MGAT5B: variants seen among roughly 807,000 people sequenced by gnomAD.
MGAT5B encodes the protein N-acetylglucosaminyl-transferase Vb.
MGAT5B carries 54 observed loss-of-function variants against 95.1 expected under a neutral mutation model. The observed-to-expected ratio is 0.57, with a 90% confidence interval of 0.46 to 0.71. MGAT5B has a LOEUF of 0.71. MGAT5B is among the 30% of genes least tolerant of loss of function. The pLI, the probability that MGAT5B is intolerant of heterozygous loss-of-function variation, is 0.00. For missense variants in MGAT5B, 935 were observed against 1,088.6 expected, an observed-to-expected ratio of 0.86 and a Z score of 1.99; for synonymous variants, 464 against 451.0, an observed-to-expected ratio of 1.03 and a Z score of -0.36.
Position 76,938,160 on chromosome 17 carries a change from C to T in MGAT5B, c.1584+17C>T, listed in dbSNP as rs750647937. ...AAGGCCAAAGTGAGCTCCCATCCCC[C>T]GCACCATTCTCACACTTGCCGGCTG... On this transcript the variant is annotated intron_variant, in intron 13 of 17. Transcript: ENST00000569840. This position sits in a 1 kb window ranked among gnomAD's most constrained non-coding sequence, Gnocchi z 4.3. The T allele has an allele frequency of 2.2e-5, 36 of 1,612,116 alleles. No individual in the cohort carries two copies. Among genetic ancestry groups the T allele is most frequent in the East Asian group, 2.0e-4 (9 of 44,854 alleles).
Position 76,905,461 on chromosome 17 carries a change from G to A in MGAT5B, c.855+128G>A. 6 of 872,534 alleles carry A rather than the reference G, an allele frequency of 6.9e-6. No individual in the cohort carries two copies. Among genetic ancestry groups the A allele is most frequent in the Non-Finnish European group, 1.0e-5 (6 of 596,278 alleles). The allele number at this position is 872,534 out of a possible 1,614,324, so 54.0% of individuals were successfully genotyped here. A position where few individuals can be genotyped will look rare whatever the true frequency, so the allele number is the denominator to read the frequency against. On this transcript the variant is annotated intron_variant, in intron 7 of 17. Transcript: ENST00000569840. This position sits in a 1 kb window ranked among gnomAD's most constrained non-coding sequence, Gnocchi z 4.2. The stretch of plus-strand genomic sequence containing the variant: ...CTGAATTTGATCAGAGGGAGAGAGG[G>A]GTAGGGATGGCAGAGTCGGGATAGA...
intron 12 of MGAT5B, among the ~76,000 whole-genome samples, chr17:76,935,701 T>G (rs1039691693): frequency 6.8e-6 from 1 of 147,910 alleles, no homozygotes; most frequent in Non-Finnish European, 1.5e-5. Context: ...TTGTTAGAGT[T>G]CTTTATATAT....
rs561074285 is a variant in MGAT5B, at chr17:76,916,040, G to A, written c.1026-8926G>A. Among the ~76,000 whole-genome samples the A allele has an allele frequency of 4.0e-3, 613 of 152,334 alleles. 1 individual carries two copies. The highest frequency in any genetic ancestry group is 7.3e-3 in the South Asian group (35 of 4,824). On this transcript the variant is annotated intron_variant, in intron 8 of 17. Coordinates refer to ENST00000569840, the MANE Select transcript of MGAT5B (RefSeq NM_001199172.2). This position sits in a 1 kb window ranked among gnomAD's most constrained non-coding sequence, Gnocchi z 5.3. Reference sequence around the variant, plus strand: ...GGCATGCCGAGTGTGGCGGGGTCACGTTGAGTGCCGCCAAATGTCGTGGGC... The same window carrying A: ...GGCATGCCGAGTGTGGCGGGGTCACATTGAGTGCCGCCAAATGTCGTGGGC...
In MGAT5B at chr17:76,905,649, T is replaced by G. The variant is rs558116041; in HGVS notation, c.855+316T>G. On this transcript the variant is annotated intron_variant, in intron 7 of 17. Coordinates refer to ENST00000569840, the MANE Select transcript of MGAT5B (RefSeq NM_001199172.2). This position sits in a 1 kb window ranked among gnomAD's most constrained non-coding sequence, Gnocchi z 4.2. ...CTGGGGAGCTTCGTTAGCTCATGCC[T>G]CCATTCTTCCTTCCCTCCTTCCTTC... Among the ~76,000 whole-genome samples, 7 of 152,292 alleles carry G rather than the reference T, an allele frequency of 4.6e-5. No homozygotes were observed. The highest frequency in any genetic ancestry group is 8.8e-5 in the Non-Finnish European group (6 of 68,028).
intron 8 of MGAT5B, among the ~76,000 whole-genome samples, chr17:76,920,667 C>T (rs1969097865): frequency 6.6e-6 from 1 of 152,074 alleles, no homozygotes; most frequent in African/African-American, 2.4e-5. Context: ...TGGGCTTCTC[C>T]TTAACTCCTC....
intron 11 of MGAT5B, 68 bp downstream of exon 11, chr17:76,932,843 TCTC>T: frequency 1.9e-6 from 3 of 1,576,126 alleles, no homozygotes; most frequent in Non-Finnish European, 2.6e-6. Flanking sequence ...GGGTCCCGCA[TCTC>T]CTCCTTCCAG....
At chr17:76,931,524 C>T (rs1178129757) in intron 10 of MGAT5B, among the ~76,000 whole-genome samples, 1 of 152,164 alleles carries the variant, frequency 6.6e-6, no homozygotes, top group Non-Finnish European at 1.5e-5. Context: ...CTCACAGGCC[C>T]ATGAGCACAG....
rs868741276 is a variant in MGAT5B, at chr17:76,906,693, G to A, written c.1025+506G>A. Among the ~76,000 whole-genome samples the A allele has an allele frequency of 6.6e-6, 1 of 152,112 alleles. No homozygotes were observed. Among genetic ancestry groups the A allele is most frequent in the Admixed American group, 6.5e-5 (1 of 15,280 alleles). ...CCTTGGATGCTGTGGGAGGTGGAAG[G>A]GCAGTGATTAGAGGCTCCCCTGAGT... On this transcript the variant is annotated intron_variant, in intron 8 of 17. Coordinates refer to ENST00000569840, the MANE Select transcript of MGAT5B (RefSeq NM_001199172.2). This position sits in a 1 kb window ranked among gnomAD's most constrained non-coding sequence, Gnocchi z 4.6.
chr17:76,948,677 A>T lies in MGAT5B; in HGVS notation c.2218A>T (p.Asn740Tyr). Residue 740 changes from asparagine (N) to tyrosine (Y), a missense_variant, in exon 18 of 18, where the codon AAC (asparagine) becomes TAC (tyrosine). Asn to Tyr is a moderately radical substitution (Grantham distance 143). Transcript: ENST00000569840. ...VPCDSTESEM[N>Y]HLYPAFAQPG... The stretch of plus-strand genomic sequence containing the variant: ...CTGTGACAGCACCGAGTCGGAGATG[A>T]ACCACCTGTACCCGGCGTTCGCCCA... The T allele has an allele frequency of 6.2e-7, 1 of 1,613,390 alleles. No homozygotes were observed. Among genetic ancestry groups the T allele is most frequent in the Non-Finnish European group, 8.5e-7 (1 of 1,179,844 alleles).
intron 3 of MGAT5B, among the ~76,000 whole-genome samples, chr17:76,901,300 A>G (rs1039605588): frequency 2.6e-5 from 4 of 152,126 alleles, no homozygotes; most frequent in African/African-American, 9.7e-5. Flanking sequence ...CATTATGTGC[A>G]GCCATAAAGA....
intron 8 of MGAT5B, among the ~76,000 whole-genome samples, chr17:76,913,289 T>C (rs1968809271): frequency 6.6e-6 from 1 of 152,158 alleles, no homozygotes. Context: ...AGGTCTTAGG[T>C]TTGGAACCCA....
At chr17:76,923,759 G>A (rs1180975217) in intron 8 of MGAT5B, 1 of 152,220 alleles carries the variant, frequency 6.6e-6, no homozygotes, top group East Asian at 1.9e-4. Flanking sequence ...AAAAGGCCTG[G>A]AACCCGACGT....
rs143305792 is a variant in MGAT5B at position 76,917,838 on chromosome 17, G to A, written c.1026-7128G>A. ...CCCGGAGCAAATAGAGGGACCCTCGGGGTGGCCTGAGCACCAGGAGCTAAA... is the reference window on the plus strand; with the variant it reads ...CCCGGAGCAAATAGAGGGACCCTCGAGGTGGCCTGAGCACCAGGAGCTAAA... On this transcript the variant is annotated intron_variant, in intron 8 of 17. Transcript: ENST00000569840. This position sits in a 1 kb window ranked among gnomAD's most constrained non-coding sequence, Gnocchi z 6.1. Among the ~76,000 whole-genome samples the A allele has an allele frequency of 1.6e-3, 246 of 152,320 alleles. 2 individuals carry two copies. Among genetic ancestry groups the A allele is most frequent in the African/African-American group, 5.7e-3 (236 of 41,578 alleles).
Position 76,869,411 on chromosome 17 carries a change from G to A in MGAT5B, c.68+314G>A, listed in dbSNP as rs1598877227. Among the ~76,000 whole-genome samples, 1 of 152,200 alleles carries A rather than the reference G, an allele frequency of 6.6e-6. No homozygotes were observed. The highest frequency in any genetic ancestry group is 1.9e-4 in the East Asian group (1 of 5,158). Reference sequence around the variant, plus strand: ...GGCCCAGAAAGTTGCCCCAGCCTGCGCGCCCCTTCCCAGCCCCTCAGGGTC... The same window carrying A: ...GGCCCAGAAAGTTGCCCCAGCCTGCACGCCCCTTCCCAGCCCCTCAGGGTC... On this transcript the variant is annotated intron_variant, in intron 1 of 17. Transcript: ENST00000569840. This position sits in a 1 kb window ranked among gnomAD's most constrained non-coding sequence, Gnocchi z 7.0.
chr17:76,943,633 G>GTCTCATT (rs1969938272), intron 15 of MGAT5B, among the ~76,000 whole-genome samples: 1 of 145,478 alleles, frequency 6.9e-6, no homozygotes, highest in Admixed American at 6.8e-5. Flanking sequence ...TGGGGGGGGG[G>GTCTCATT]TCTCATTTTG....
intron 3 of MGAT5B, chr17:76,882,662 A>C (rs1967472689): frequency 5.7e-6 from 1 of 174,274 alleles, no homozygotes; most frequent in African/African-American, 2.4e-5. Context: ...GATTTTAACA[A>C]ATTCCATGTA....
At position 76,870,035 on chromosome 17, in the gene MGAT5B, G is replaced by T. The variant is rs888053621; in HGVS notation, c.68+938G>T. Among the ~76,000 whole-genome samples, 1 of 152,192 alleles carries T rather than the reference G, an allele frequency of 6.6e-6. No homozygotes were observed. The highest frequency in any genetic ancestry group is 1.5e-5 in the Non-Finnish European group (1 of 68,018). ...CAGCGAGGAAGCTGGGGGAGTGACC[G>T]CCCCGGCGCGGGGGCCGGACTCGGG... On this transcript the variant is annotated intron_variant, in intron 1 of 17. Transcript: ENST00000569840. This position sits in a 1 kb window ranked among gnomAD's most constrained non-coding sequence, Gnocchi z 5.0.
intron 6 of MGAT5B, 83 bp downstream of exon 6, chr17:76,904,505 G>C: frequency 7.1e-7 from 1 of 1,412,838 alleles, no homozygotes; most frequent in Middle Eastern, 2.5e-4. Flanking sequence ...CCTCTGTCCT[G>C]AGGGAATGAG....
rs138166024 is a variant in MGAT5B at position 76,949,683 on chromosome 17, C to G, written c.*845C>G. 3 of 152,322 alleles carry G rather than the reference C, an allele frequency of 2.0e-5. No individual in the cohort carries two copies. The highest frequency in any genetic ancestry group is 1.9e-4 in the East Asian group (1 of 5,172). 9.4% of individuals were successfully genotyped at this position (152,322 alleles called of 1,614,324 possible). ...TGTTCCAAAGCCTCAATCCCTACCC[C>G]CTCCAAGGGGCAGGTTTCCAGTCCA... On this transcript the variant is annotated 3_prime_UTR_variant, in exon 18 of 18. Transcript: ENST00000569840.
Sources: allele counts gnomAD v4.1 joint callset (sites outside exome capture counted in the v4.1 genomes callset), GRCh38; gene constraint gnomAD v4.1.1; non-coding constraint Gnocchi (gnomAD v3.1); transcripts MANE v1.5; gene names NCBI Gene and HGNC (gene_info 2026-07-23, HGNC 2026-07-21).